TTN: variants seen among roughly 807,000 people sequenced by gnomAD.
TTN encodes connectin.
Under a neutral mutation model 3,223.0 loss-of-function variants are expected in TTN, and 1,525 were observed. That is an observed-to-expected ratio of 0.47 (90% confidence interval 0.45 to 0.49). The LOEUF (loss-of-function observed/expected upper bound fraction) is 0.49, where lower values mean the gene tolerates loss of function less well. Ranked by LOEUF, TTN falls within the 20% of genes least tolerant of loss-of-function variation. The pLI, the probability that TTN is intolerant of heterozygous loss-of-function variation, is 0.00. For missense variants in TTN, 40,786 were observed against 43,424.0 expected, an observed-to-expected ratio of 0.94 and a Z score of 5.40; for synonymous variants, 14,094 against 15,161.0, an observed-to-expected ratio of 0.93 and a Z score of 5.17.
rs1171658402 is a variant in TTN at position 178,631,282 on chromosome 2, G to A, written c.43766C>T (p.Thr14589Ile). The A allele has an allele frequency of 6.2e-6, 10 of 1,608,868 alleles. No individual in the cohort carries two copies. Among genetic ancestry groups the A allele is most frequent in the Non-Finnish European group, 8.5e-6 (10 of 1,178,360 alleles). Residue 14589 changes from threonine to isoleucine, a missense_variant, in exon 237 of 363, where the codon ACA becomes ATA. Transcript: ENST00000589042. ...LTVLEGDPYFTGKLQDYTGVE... is the reference protein window; with the variant it reads ...LTVLEGDPYFIGKLQDYTGVE... The stretch of plus-strand genomic sequence containing the variant: ...ACCAGTATAATCTTGAAGTTTTCCT[G>A]TAAAATATGGGTCTCCCTCTGCAAG...
Position 178,583,674 on chromosome 2 carries a change from G to A in TTN, c.65508C>T (p.Ala21836=). 4.3e-6 allele frequency: 7 copies of A among 1,612,266 alleles called. No individual in the cohort carries two copies. The highest frequency in any genetic ancestry group is 5.9e-6 in the Non-Finnish European group (7 of 1,179,154). Residue 21836 remains alanine, a synonymous_variant, in exon 312 of 363, where the codon GCC becomes GCT. Coordinates refer to ENST00000589042, the MANE Select transcript of TTN (RefSeq NM_001267550.2). Reference sequence around the variant, plus strand: ...GTGGGCTAATGTTTACCGCGGTCCTGGCAATAGCTCTAAATTGATACTGAG... The same window carrying A: ...GTGGGCTAATGTTTACCGCGGTCCTAGCAATAGCTCTAAATTGATACTGAG... ...EKAQYQFRAI[A]RTAVNISPPS...
At chr2:178,536,731 A>G (rs1691693334) in intron 356 of TTN, 156 bp from the exon 357 acceptor site, 1 of 823,630 alleles carries the variant, frequency 1.2e-6, no homozygotes, top group African/African-American at 1.7e-5. Flanking sequence ...AAGACATATC[A>G]AAAACCAAAG....
chr2:178,726,856 G>A, intron 69 of TTN: 2 of 368,490 alleles, frequency 5.4e-6, no homozygotes, highest in East Asian at 8.2e-5. Flanking sequence ...TGGCAAATGT[G>A]TTGAGGTAAT....
Position 178,526,378 on chromosome 2 carries a change from C to A in TTN, c.*634G>T, listed in dbSNP as rs542144534. 1 of 152,638 alleles carries A rather than the reference C, an allele frequency of 6.6e-6. No homozygotes were observed. Among genetic ancestry groups the A allele is most frequent in the African/African-American group, 2.4e-5 (1 of 41,514 alleles). The allele number at this position is 152,638 out of a possible 1,614,324, so 9.5% of individuals were successfully genotyped here. On this transcript the variant is annotated 3_prime_UTR_variant, in exon 363 of 363. Transcript: ENST00000589042. ...CAGGCACTCCTTATGTCAGAGACAG[C>A]GTAAAATGAGCGAACAAAGTGTTGG...
At position 178,576,598 on chromosome 2, in the gene TTN, C is replaced by T. The variant is rs1271698447; in HGVS notation, c.69646G>A (p.Ala23216Thr). ...EGSTYEFRVS[A>T]ENRAGIGPPS... ...GGACCAATTCCTGCTCTGTTTTCTG[C>T]ACTGACACGGAATTCGTAGGTGCTT... is the stretch of plus-strand genomic sequence containing the variant. Residue 23216 changes from alanine (A) to threonine (T), a missense_variant, in exon 325 of 363, where the codon GCA (alanine) becomes ACA (threonine). Physicochemically the swap from Ala to Thr is moderately conservative, Grantham distance 58 (BLOSUM62 0). Coordinates refer to ENST00000589042, the MANE Select transcript of TTN (RefSeq NM_001267550.2). The surrounding 1 kb of genome is among the most constrained non-coding windows in gnomAD (Gnocchi z 4.3). The T allele has an allele frequency of 6.2e-7, 1 of 1,613,588 alleles. No individual in the cohort carries two copies. Among genetic ancestry groups the T allele is most frequent in the Non-Finnish European group, 8.5e-7 (1 of 1,179,622 alleles).
At chr2:178,623,441 C>T (rs1276509192) in intron 242 of TTN, among the ~76,000 whole-genome samples, 2 of 151,828 alleles carry the variant, frequency 1.3e-5, no homozygotes, top group Admixed American at 6.6e-5. Flanking sequence ...GAGCTGCCCC[C>T]TTGCCCTTCC....
chr2:178,635,693 C>T lies in TTN; in HGVS notation c.41631G>A (p.Val13877=), dbSNP rs2154229572. Residue 13877 remains valine (V), a synonymous_variant, in exon 227 of 363, where the codon GTG becomes GTA. Coordinates refer to ENST00000589042, the MANE Select transcript of TTN (RefSeq NM_001267550.2). ...TCACATGCTGGTCTCGTATAGGTTT[C>T]ACCAGCCAATCTCTAATGACTTCTA... The part of the protein sequence containing the change: ...KVVEVIRDWL[V]KPIRDQHVKP... 1 of 1,601,462 alleles carries T rather than the reference C, an allele frequency of 6.2e-7. No individual in the cohort carries two copies. The highest frequency in any genetic ancestry group is 8.5e-7 in the Non-Finnish European group (1 of 1,173,736).
At position 178,544,648 on chromosome 2, in the gene TTN, A is replaced by G. The variant is rs73973126; in HGVS notation, c.95723-142T>C. On this transcript the variant is annotated intron_variant, in intron 344 of 362. Transcript: ENST00000589042. ...ATAATCTTTATTAACTGGGCTCCTG[A>G]TATTATAGGACAGCACAGAGTGCCA... is the stretch of plus-strand genomic sequence containing the variant. The G allele has an allele frequency of 6.1e-3, 3,927 of 643,378 alleles. 127 individuals are homozygous for G. In the African/African-American group the frequency reaches 0.064, roughly 11 times the overall value. 39.9% of individuals were successfully genotyped at this position (643,378 alleles called of 1,614,324 possible). A position where few individuals can be genotyped will look rare whatever the true frequency, so the allele number is the denominator to read the frequency against.
chr2:178,684,321 CG>C lies in TTN; in HGVS notation c.32722+8del. 1.9e-6 allele frequency: 3 copies of C among 1,612,574 alleles called. No individual in the cohort carries two copies. Among genetic ancestry groups the C allele is most frequent in the Non-Finnish European group, 2.5e-6 (3 of 1,179,178 alleles). The stretch of plus-strand genomic sequence containing the variant: ...TACAATATTGTGCATAATGGAAGGG[CG>C]GATGTACCTCTTGCTTTTGGAGGCG... On this transcript the variant is annotated splice_region_variant and intron_variant, in intron 132 of 362. Coordinates refer to ENST00000589042, the MANE Select transcript of TTN (RefSeq NM_001267550.2).
At position 178,740,015 on chromosome 2, in the gene TTN, G is replaced by A. The variant is rs1883084; in HGVS notation, c.13218C>T (p.Ala4406=). Residue 4406 remains alanine (A), a synonymous_variant, in exon 48 of 363, where the codon GCC becomes GCT. Transcript: ENST00000589042. ...KIQICRALQA[A]VASEQPGLFS... The stretch of plus-strand genomic sequence containing the variant: ...AAAGACCTGGCTGCTCGCTGGCCAC[G>A]GCTGCTTGCAAAGCCCGGCAGATTT... 0.053 allele frequency: 85,300 copies of A among 1,613,746 alleles called. 3,850 individuals carry two copies. Among genetic ancestry groups the A allele is most frequent in the Admixed American group, 0.21 (12,340 of 59,996 alleles).
At chr2:178,559,259 T>C in intron 326 of TTN, 52 bp downstream of exon 326, 1 of 1,485,098 alleles carries the variant, frequency 6.7e-7, no homozygotes, top group Non-Finnish European at 9.1e-7. Flanking sequence ...ACTCACACTA[T>C]TCTAGCAAAA....
At chr2:178,792,747 T>G (rs765601370) in intron 9 of TTN, among the ~76,000 whole-genome samples, 3 of 152,228 alleles carry the variant, frequency 2.0e-5, no homozygotes, top group Non-Finnish European at 4.4e-5. Flanking sequence ...TTTGCCTCTT[T>G]GCCATTCTCA....
intron 7 of TTN, 106 bp downstream of exon 7, chr2:178,794,816 C>T: frequency 6.9e-7 from 1 of 1,440,052 alleles, no homozygotes; most frequent in Non-Finnish European, 9.6e-7. Context: ...TTTTTATGTT[C>T]ATATGCATTT....
At position 178,723,077 on chromosome 2, in the gene TTN, C is replaced by A; in HGVS notation, c.21930G>T (p.Arg7310Ser). Residue 7310 changes from arginine (R) to serine (S), a missense_variant, in exon 75 of 363, where the codon AGG becomes AGT. By Grantham distance (110) the Arg-to-Ser change is moderately radical (BLOSUM62 -1). Transcript: ENST00000589042. ...YSCEIENEAG[R>S]DVCGALVSTL... is the part of the protein sequence containing the mutation. Reference sequence around the variant, plus strand: ...TAGATACCAGAGCTCCACAAACATCCCTTCCTGCCTCATTTTCAATCTCGC... The same window carrying A: ...TAGATACCAGAGCTCCACAAACATCACTTCCTGCCTCATTTTCAATCTCGC... The A allele has an allele frequency of 6.2e-7, 1 of 1,613,614 alleles. No homozygotes were observed. Among genetic ancestry groups the A allele is most frequent in the Non-Finnish European group, 8.5e-7 (1 of 1,179,648 alleles).
In TTN at chr2:178,653,853, C is replaced by T; in HGVS notation, c.38509G>A (p.Ala12837Thr). The T allele has an allele frequency of 6.3e-7, 1 of 1,594,502 alleles. No homozygotes were observed. Among genetic ancestry groups the T allele is most frequent in the East Asian group, 2.2e-5 (1 of 44,818 alleles). The change falls in exon 195 of 363, where the codon GCT becomes ACT. Residue 12837 changes from alanine to threonine, a missense_variant. Transcript: ENST00000589042. Reference sequence around the variant, plus strand: ...GGAGCTTCTGGTTTTTTGGGTGGAGCCACGGGAATTTCTTTTTCTGCGGCT... The same window carrying T: ...GGAGCTTCTGGTTTTTTGGGTGGAGTCACGGGAATTTCTTTTTCTGCGGCT... ...QEAAEKEIPV[A>T]PPKKPEAPIV...
At position 178,714,991 on chromosome 2, in the gene TTN, A is replaced by G; in HGVS notation, c.26195T>C (p.Leu8732Pro). 6.2e-7 allele frequency: 1 copy of G among 1,606,324 alleles called. No homozygotes were observed. The change falls in exon 90 of 363, where the codon CTC (leucine) becomes CCC (proline). Residue 8732 changes from leucine (L) to proline (P), a missense_variant. Coordinates refer to ENST00000589042, the MANE Select transcript of TTN (RefSeq NM_001267550.2). ...GSDTCVGSIALKAPPRFVKKL... is the reference protein window; with the variant it reads ...GSDTCVGSIAPKAPPRFVKKL... ...GTGAATGCAGTCCATCTAACCTTTG[A>G]GAGCGATGGAACCAACGCAAGTGTC...
intron 109 of TTN, 89 bp from the exon 110 acceptor site, chr2:178,701,676 GAT>G: frequency 1.6e-6 from 2 of 1,283,420 alleles, no homozygotes; most frequent in Non-Finnish European, 2.2e-6. Context: ...TAGATCCTGA[GAT>G]ATGTCAGGCA....
chr2:178,556,840 A>G lies in TTN; in HGVS notation c.88306+8T>C, dbSNP rs369690199. ...GCAATTTTGATTCAAAGTGCTAAGC[A>G]TGCTTACCATAAGAATCGATGCAAG... On this transcript the variant is annotated splice_region_variant and intron_variant, in intron 330 of 362. Transcript: ENST00000589042. 4.7e-5 allele frequency: 76 copies of G among 1,612,920 alleles called. No individual in the cohort carries two copies. The African/African-American group carries it at 9.6e-4, about 20-fold the overall frequency.
chr2:178,751,771 G>A (rs1318225512), intron 47 of TTN: 1 of 1,613,108 alleles, frequency 6.2e-7, no homozygotes, highest in South Asian at 1.1e-5. Context: ...CTGTTGGGAT[G>A]GGCCGATTGT....
Sources: gnomAD v4.1 joint callset for allele counts (sites outside exome capture counted in the v4.1 genomes callset) on GRCh38, gnomAD v4.1.1 for gene constraint, Gnocchi (gnomAD v3.1) non-coding constraint, MANE v1.5 for transcripts, NCBI Gene and HGNC (gene_info 2026-07-23, HGNC 2026-07-21) for gene names.